The following KMT2E variants were observed in gnomAD, a reference collection of about 807,000 sequenced individuals.
KMT2E encodes the protein histone reader KMT2E.
A neutral mutation model predicts 184.6 loss-of-function variants in KMT2E; 30 were observed. The observed-to-expected ratio is 0.16, with a 90% CI of 0.12 to 0.22. The LOEUF (loss-of-function observed/expected upper bound fraction) is 0.22, where lower values mean the gene tolerates loss of function less well. KMT2E is among the 10% of genes least tolerant of loss of function. KMT2E has a pLI of 1.00. For missense variants in KMT2E, 2,023 were observed against 2,237.4 expected, an observed-to-expected ratio of 0.90 and a Z score of 1.93; for synonymous variants, 815 against 776.5, an observed-to-expected ratio of 1.05 and a Z score of -0.82.
Position 105,114,887 on chromosome 7 carries a change from C to CAACA in KMT2E, c.*1557_*1560dup, listed in dbSNP as rs1318494011. Among the ~76,000 whole-genome samples, 2 of 152,086 alleles carry CAACA rather than the reference C, an allele frequency of 1.3e-5. No homozygotes were observed. Among genetic ancestry groups the CAACA allele is most frequent in the East Asian group, 3.8e-4 (2 of 5,198 alleles). On this transcript the variant is annotated 3_prime_UTR_variant, in exon 27 of 27. Transcript: ENST00000311117. ...CCAAGTTTGCCATCCTCAATTTGTC[C>CAACA]AACAAAATTCTATTTATGGTATTTA...
At chr7:105,110,907 T>C (rs761543734) in intron 26 of KMT2E, 39 bp downstream of exon 26, 29 of 1,407,606 alleles carry the variant, frequency 2.1e-5, no homozygotes, top group Middle Eastern at 3.5e-4. Flanking sequence ...CAAAGGACTT[T>C]AGGTTGAGTG....
intron 1 of KMT2E, among the ~76,000 whole-genome samples, chr7:105,015,410 A>G (rs369605301): frequency 6.6e-6 from 1 of 152,254 alleles, no homozygotes; most frequent in African/African-American, 2.4e-5. Context: ...TAAGAACGAT[A>G]CAATTTAAAG....
At chr7:105,034,793 T>C (rs949200358) in intron 1 of KMT2E, among the ~76,000 whole-genome samples, 1 of 149,470 alleles carries the variant, frequency 6.7e-6, no homozygotes, top group African/African-American at 2.5e-5. Flanking sequence ...AATTTATTAC[T>C]TTAAGAATGT....
Position 105,041,063 on chromosome 7 carries a change from A to AC in KMT2E, c.71+40_71+41insC, listed in dbSNP as rs764936147. 1.9e-5 allele frequency: 25 copies of AC among 1,316,448 alleles called. No individual in the cohort carries two copies. The East Asian group carries it at 4.5e-4, about 24-fold the overall frequency. 81.5% of individuals were successfully genotyped at this position (1,316,448 alleles called of 1,614,324 possible). A position where few individuals can be genotyped will look rare whatever the true frequency, so the allele number is the denominator to read the frequency against. ...TGGTTACATAAGCAAAAAAAAAAAA[A>AC]AAACCCTTCTGGAGCTAGAAAGTAG... On this transcript the variant is annotated intron_variant, in intron 3 of 26. Coordinates refer to ENST00000311117, the MANE Select transcript of KMT2E (RefSeq NM_182931.3).
Position 105,113,260 on chromosome 7 carries a change from G to A in KMT2E, c.5504G>A (p.Gly1835Glu), listed in dbSNP as rs1377423653. Reference sequence around the variant, plus strand: ...CCTCAGCAGGCATCTCCAGTGCCTGGACAGATTCCAATTCACAGAGCACAG... The same window carrying A: ...CCTCAGCAGGCATCTCCAGTGCCTGAACAGATTCCAATTCACAGAGCACAG... ...QGPQQASPVP[G>E]QIPIHRAQVP... Residue 1835 changes from glycine to glutamate, a missense_variant, in exon 27 of 27, where the codon GGA becomes GAA. Around this residue, in one of 8 missense-constraint regions of KMT2E, gnomAD observed 1,108 missense variants for 1,050.9 expected, o/e 1.05. Coordinates refer to ENST00000311117, the MANE Select transcript of KMT2E (RefSeq NM_182931.3). The A allele has an allele frequency of 1.1e-5, 17 of 1,614,032 alleles. No individual in the cohort carries two copies. Among genetic ancestry groups the A allele is most frequent in the African/African-American group, 1.3e-5 (1 of 74,918 alleles).
rs1294629297 is a variant in KMT2E, at chr7:105,066,775, T to C, written c.465T>C (p.Pro155=). 1 of 1,613,006 alleles carries C rather than the reference T, an allele frequency of 6.2e-7. No homozygotes were observed. The highest frequency in any genetic ancestry group is 1.1e-5 in the South Asian group (1 of 91,024). ...TGGGGATTGATAGGCAGCATATTCC[T>C]GATACATATCTATGTGAACGTTGTC... is the stretch of plus-strand genomic sequence containing the variant. ...DCMGIDRQHI[P]DTYLCERCQP... The change falls in exon 6 of 27, where the codon CCT becomes CCC. Residue 155 remains proline, a synonymous_variant. Transcript: ENST00000311117.
chr7:105,029,506 G>A (rs1018490068), intron 1 of KMT2E, among the ~76,000 whole-genome samples: 1 of 152,172 alleles, frequency 6.6e-6, no homozygotes, highest in African/African-American at 2.4e-5. Flanking sequence ...CTTAGAAGTT[G>A]ATAGTGACAT....
At chr7:105,059,052 A>C (rs1398894876) in intron 3 of KMT2E, among the ~76,000 whole-genome samples, 1 of 152,208 alleles carries the variant, frequency 6.6e-6, no homozygotes, top group East Asian at 1.9e-4. Context: ...TAGAATGAAC[A>C]CTGCATCATG....
At chr7:105,097,267 G>T (rs987424644) in intron 15 of KMT2E, among the ~76,000 whole-genome samples, 1 of 151,978 alleles carries the variant, frequency 6.6e-6, no homozygotes, top group African/African-American at 2.4e-5. Context: ...TCTGTCCTCC[G>T]TTGATGCTGA....
rs1171144707 is a variant in KMT2E, at chr7:105,105,965, A to G, written c.2558A>G (p.Lys853Arg). The change falls in exon 19 of 27, where the codon AAA becomes AGA. Residue 853 changes from lysine to arginine, a missense_variant. Transcript: ENST00000311117. ...SRSPAVNGENKSPLLLNDSCS... is the reference protein window; with the variant it reads ...SRSPAVNGENRSPLLLNDSCS... ...AGTCCTGCAGTCAATGGTGAAAATAAAAGTCCACTACTATTAAATGACAGC... is the reference window on the plus strand; with the variant it reads ...AGTCCTGCAGTCAATGGTGAAAATAGAAGTCCACTACTATTAAATGACAGC... 1 of 1,613,334 alleles carries G rather than the reference A, an allele frequency of 6.2e-7. No homozygotes were observed. The highest frequency in any genetic ancestry group is 1.7e-5 in the Admixed American group (1 of 59,814).
chr7:105,047,060 A>T (rs1006081328), intron 3 of KMT2E, among the ~76,000 whole-genome samples: 8 of 152,324 alleles, frequency 5.3e-5, no homozygotes. Context: ...GCAAAATTCT[A>T]TGAGGCTTCT....
intron 13 of KMT2E, among the ~76,000 whole-genome samples, chr7:105,087,715 C>T (rs1055325989): frequency 2.0e-5 from 3 of 152,064 alleles, no homozygotes; most frequent in East Asian, 3.9e-4. Context: ...TGAATTACCA[C>T]GCCCAGCCTC....
At chr7:105,102,948 C>G (rs1354717896) in intron 17 of KMT2E, 1 of 152,092 alleles carries the variant, frequency 6.6e-6, no homozygotes, top group African/African-American at 2.4e-5. Flanking sequence ...TAGTATGAAC[C>G]CAGGATTATA....
At chr7:105,061,574 A>G (rs1796813637) in intron 3 of KMT2E, among the ~76,000 whole-genome samples, 1 of 152,210 alleles carries the variant, frequency 6.6e-6, no homozygotes, top group African/African-American at 2.4e-5. Flanking sequence ...GGCAAATTGT[A>G]TCAGTAGTTG....
At chr7:105,111,757 C>T (rs570751259) in intron 26 of KMT2E, 68 bp from the exon 27 acceptor site, 8 of 1,505,116 alleles carry the variant, frequency 5.3e-6, no homozygotes, top group Middle Eastern at 1.8e-4. Context: ...TATTAAATAC[C>T]AACAAGAATA....
chr7:105,067,507 A>G (rs1012970982), intron 6 of KMT2E, among the ~76,000 whole-genome samples: 33 of 152,304 alleles, frequency 2.2e-4, no homozygotes, highest in Middle Eastern at 3.4e-3. Flanking sequence ...TACCTCAGTA[A>G]TTATCGACAT....
Position 105,112,893 on chromosome 7 carries a change from T to TCAGCACCCC in KMT2E, c.5140_5148dup (p.Ala1714_Pro1716dup). Reference sequence around the variant, plus strand: ...AGCACAACACCAGCATGTTGTAAATTCAGCACCCCCACCACCCCCTCCGCC... The same window carrying TCAGCACCCC: ...AGCACAACACCAGCATGTTGTAAATTCAGCACCCCCAGCACCCCCACCACCCCCTCCGCC... On this transcript the variant is annotated inframe_insertion, in exon 27 of 27. Coordinates refer to ENST00000311117, the MANE Select transcript of KMT2E (RefSeq NM_182931.3). The TCAGCACCCC allele has an allele frequency of 1.3e-6, 2 of 1,554,770 alleles. No homozygotes were observed. The highest frequency in any genetic ancestry group is 1.7e-6 in the Non-Finnish European group (2 of 1,143,960).
chr7:105,088,211 G>T (rs1450279320), intron 13 of KMT2E, among the ~76,000 whole-genome samples: 1 of 152,140 alleles, frequency 6.6e-6, no homozygotes, highest in East Asian at 1.9e-4. Flanking sequence ...ATCACTTTGT[G>T]CTGCATTACC....
intron 16 of KMT2E, 84 bp from the exon 17 acceptor site, chr7:105,101,802 C>T (rs1395284719): frequency 3.5e-5 from 41 of 1,174,826 alleles, no homozygotes; most frequent in Non-Finnish European, 4.8e-5. Flanking sequence ...AGAAAGTTGG[C>T]TTCTGAAGTA....
Sources: allele counts gnomAD v4.1 joint callset (sites outside exome capture counted in the v4.1 genomes callset), GRCh38; gene constraint gnomAD v4.1.1; regional missense constraint gnomAD v4.1.1; transcripts MANE v1.5; gene names NCBI Gene and HGNC (gene_info 2026-07-23, HGNC 2026-07-21).